Variants in TLR1 observed in about 807,000 individuals in gnomAD.
TLR1 encodes toll-like receptor 1.
Under a neutral mutation model 20.2 loss-of-function variants are expected in TLR1, and 19 were observed. The ratio of observed to expected loss-of-function variants is 0.94; its 90% CI spans 0.66 to 1.38. TLR1 has a LOEUF of 1.38. TLR1 is among the 40% of genes most tolerant of loss of function. TLR1 has a pLI of 0.00. For synonymous variants in TLR1, 320 were observed against 334.5 expected (o/e 0.96, Z 0.47); for missense variants, 921 against 910.0 (o/e 1.01, Z -0.16).
At position 38,796,370 on chromosome 4, in the gene TLR1, C is replaced by T; in HGVS notation, c.*101G>A. On this transcript the variant is annotated 3_prime_UTR_variant, in exon 4 of 4. Coordinates refer to ENST00000308979, the MANE Select transcript of TLR1 (RefSeq NM_003263.4). ...TATTTTTACCTACATCATACACTCA[C>T]AATTGTGTTTACATCTATGCTGATG... 7.5e-7 allele frequency: 1 copy of T among 1,331,080 alleles called. No individual in the cohort carries two copies. The allele number at this position is 1,331,080 out of a possible 1,614,324, so 82.5% of individuals were successfully genotyped here. A position where few individuals can be genotyped will look rare whatever the true frequency, so the allele number is the denominator to read the frequency against.
chr4:38,792,608 GA>G (rs570433909), downstream of TLR1, among the ~76,000 whole-genome samples: 125 of 151,956 alleles, frequency 8.2e-4, no homozygotes, highest in African/African-American at 2.9e-3. Context: ...AAATTGTAGT[GA>G]AAAAGACATA....
chr4:38,797,631 G>A lies in TLR1; in HGVS notation c.1201C>T (p.Gln401Ter), dbSNP rs747332840. The A allele has an allele frequency of 2.5e-6, 4 of 1,613,780 alleles. No individual in the cohort carries two copies. The highest frequency in any genetic ancestry group is 3.4e-6 in the Non-Finnish European group (4 of 1,179,996). ...AEMTTQMKSLQQLDISQNSVS... is the reference protein window; with the variant it reads ...AEMTTQMKSL ...GAATTCTGGCTAATATCCAATTGTT[G>A]CAGAGACTTCATCTGTGTAGTCATT... The change falls in exon 4 of 4, where the codon CAA (glutamine) becomes TAA (stop). Residue 401 changes from glutamine to a stop codon, truncating the protein, a stop_gained. Coordinates refer to ENST00000308979, the MANE Select transcript of TLR1 (RefSeq NM_003263.4). LOFTEE classifies it high-confidence loss of function.
rs773181138 is a variant in TLR1, at chr4:38,796,950, A to C, written c.1882T>G (p.Leu628Val). ...QTRRRARNIPLEELQRNLQFH... is the reference protein window; with the variant it reads ...QTRRRARNIPVEELQRNLQFH... ...TGGAGATTTCTTTGGAGTTCTTCTA[A>C]GGGTATGTTCCTGGCCCTGCGCCGG... The change falls in exon 4 of 4, where the codon TTA becomes GTA. Residue 628 changes from leucine to valine, a missense_variant. Transcript: ENST00000308979. 6.2e-7 allele frequency: 1 copy of C among 1,614,236 alleles called. No individual in the cohort carries two copies. The highest frequency in any genetic ancestry group is 8.5e-7 in the Non-Finnish European group (1 of 1,180,050).
downstream of TLR1, among the ~76,000 whole-genome samples, chr4:38,790,002 C>T (rs1420073606): frequency 6.6e-6 from 1 of 152,134 alleles, no homozygotes; most frequent in African/African-American, 2.4e-5. Flanking sequence ...GATAATTTTC[C>T]TCACATTCCC....
chr4:38,798,738 A>G lies in TLR1; in HGVS notation c.94T>C (p.Ser32Pro), dbSNP rs770353680. The change falls in exon 4 of 4, where the codon TCA becomes CCA. Residue 32 changes from serine to proline, a missense_variant. Physicochemically the swap from Ser to Pro is moderately conservative, Grantham distance 74. Coordinates refer to ENST00000308979, the MANE Select transcript of TLR1 (RefSeq NM_003263.4). ...GGAACGTGGATGAGACCGTTTTTTG[A>G]CCTATCAACTAAAAATTCACTTTCT... Reference protein sequence around the residue: ...SEESEFLVDRSKNGLIHVPKD... With the variant: ...SEESEFLVDRPKNGLIHVPKD... The G allele has an allele frequency of 2.6e-5, 42 of 1,612,806 alleles. No homozygotes were observed. The highest frequency in any genetic ancestry group is 8.3e-5 in the Admixed American group (5 of 59,918).
downstream of TLR1, among the ~76,000 whole-genome samples, chr4:38,792,156 TTTCTC>T (rs1725755162): frequency 6.6e-6 from 1 of 152,220 alleles, no homozygotes; most frequent in South Asian, 2.1e-4. Flanking sequence ...TGCCCTCTCT[TTTCTC>T]TTCTACAGAG....
In TLR1 at chr4:38,797,939, G is replaced by A. The variant is rs150138583; in HGVS notation, c.893C>T (p.Ser298Phe). 1,358 of 1,614,144 alleles carry A rather than the reference G, an allele frequency of 8.4e-4. 3 individuals carry two copies. Among genetic ancestry groups the A allele is most frequent in the South Asian group, 1.5e-3 (137 of 91,086 alleles). ...DFRDFDYSGT[S>F]LKALSIHQVV... ...TTGGTGTATAGACAAGGCCTTCAAG[G>A]AAGTGCCAGAATAATCAAAATCTCT... The change falls in exon 4 of 4, where the codon TCC becomes TTC. Residue 298 changes from serine (S) to phenylalanine (F), a missense_variant. Ser to Phe is a radical substitution (Grantham distance 155, BLOSUM62 -2). Transcript: ENST00000308979.
intron 3 of TLR1, chr4:38,800,517 C>T (rs1726562528): frequency 6.6e-6 from 1 of 152,144 alleles, no homozygotes; most frequent in South Asian, 2.1e-4. Context: ...GCTAAGACAC[C>T]ATTTTGTGGT....
chr4:38,798,788 A>T lies in TLR1; in HGVS notation c.44T>A (p.Leu15His). The change falls in exon 4 of 4, where the codon CTT (leucine) becomes CAT (histidine). Residue 15 changes from leucine (L) to histidine (H), a missense_variant. Coordinates refer to ENST00000308979, the MANE Select transcript of TLR1 (RefSeq NM_003263.4). ...FHFAIIFMLI[L>H]QIRIQLSEES... ...TTCAGATAATTGTATTCTGATCTGA[A>T]GTATTAACATGAAGATAATGGCAAA... 1 of 1,607,476 alleles carries T rather than the reference A, an allele frequency of 6.2e-7. No homozygotes were observed. The highest frequency in any genetic ancestry group is 8.5e-7 in the Non-Finnish European group (1 of 1,177,912).
downstream of TLR1, chr4:38,796,134 C>T (rs539513332): frequency 1.1e-4 from 26 of 234,370 alleles, no homozygotes; most frequent in South Asian, 4.6e-4. Context: ...ACAAAAGTCA[C>T]GGCATTTTCC....
exon 4 of TLR1, chr4:38,791,223 A>G (rs984331525): frequency 3.3e-5 from 5 of 152,184 alleles, no homozygotes; most frequent in Non-Finnish European, 4.4e-5. Context: ...CTCAGGAGGA[A>G]CTGTTTTCCT....
downstream of TLR1, chr4:38,796,193 T>C (rs1379127868): frequency 2.5e-6 from 1 of 394,382 alleles, no homozygotes; most frequent in Admixed American, 4.1e-5. Context: ...GAAAAACAGG[T>C]GCTTCCCTTG....
intron 2 of TLR1, among the ~76,000 whole-genome samples, chr4:38,803,624 C>T (rs949876664): frequency 6.6e-6 from 1 of 152,118 alleles, no homozygotes; most frequent in African/African-American, 2.4e-5. Context: ...TTAATACTTC[C>T]AGGATCTTTG....
chr4:38,793,537 T>C (rs1289473970), downstream of TLR1, among the ~76,000 whole-genome samples: 1 of 152,172 alleles, frequency 6.6e-6, no homozygotes, highest in African/African-American at 2.4e-5. Context: ...TCTTCCAACT[T>C]TGAATTCTTT....
chr4:38,794,725 T>C (rs996450263), downstream of TLR1: 30 of 152,080 alleles, frequency 2.0e-4, no homozygotes, highest in African/African-American at 6.3e-4. Flanking sequence ...CTTTGTTTCA[T>C]TGATTTTTAT....
Position 38,798,754 on chromosome 4 carries a change from T to C in TLR1, c.78A>G (p.Glu26=). ...QIRIQLSEES[E]FLVDRSKNGL... ...CGTTTTTTGACCTATCAACTAAAAATTCACTTTCTTCAGATAATTGTATTC... is the reference window on the plus strand; with the variant it reads ...CGTTTTTTGACCTATCAACTAAAAACTCACTTTCTTCAGATAATTGTATTC... The change falls in exon 4 of 4, where the codon GAA becomes GAG. Residue 26 remains glutamate (E), a synonymous_variant. Transcript: ENST00000308979. 1 of 1,612,536 alleles carries C rather than the reference T, an allele frequency of 6.2e-7. No homozygotes were observed. Among genetic ancestry groups the C allele is most frequent in the African/African-American group, 1.3e-5 (1 of 75,000 alleles).
chr4:38,792,922 T>C (rs573237753), downstream of TLR1, among the ~76,000 whole-genome samples: 11 of 148,354 alleles, frequency 7.4e-5, no homozygotes, highest in Admixed American at 4.1e-4. Flanking sequence ...GAAATGCCCA[T>C]CCCACTGCAG....
Position 38,798,634 on chromosome 4 carries a change from T to G in TLR1, c.198A>C (p.Leu66Phe). 1 of 1,613,810 alleles carries G rather than the reference T, an allele frequency of 6.2e-7. No individual in the cohort carries two copies. Among genetic ancestry groups the G allele is most frequent in the East Asian group, 2.2e-5 (1 of 44,882 alleles). ...TCAAAATCCTCAGTTTTGACAGTGATAAGATGTCAGAAGTCCAAAGCTCAG... is the reference window on the plus strand; with the variant it reads ...TCAAAATCCTCAGTTTTGACAGTGAGAAGATGTCAGAAGTCCAAAGCTCAG... ...YISELWTSDI[L>F]SLSKLRILII... Residue 66 changes from leucine to phenylalanine, a missense_variant, in exon 4 of 4, where the codon TTA becomes TTC. Leu to Phe is a conservative substitution (Grantham distance 22). Coordinates refer to ENST00000308979, the MANE Select transcript of TLR1 (RefSeq NM_003263.4).
At chr4:38,789,007 AAAAT>A (rs547433444), downstream of TLR1, among the ~76,000 whole-genome samples, 4 of 152,318 alleles carry the variant, frequency 2.6e-5, no homozygotes, top group South Asian at 6.2e-4. Context: ...CTCTATCTCT[AAAAT>A]AAATAAATAA....
Sources: allele counts gnomAD v4.1 joint callset (sites outside exome capture counted in the v4.1 genomes callset), GRCh38; gene constraint gnomAD v4.1.1; transcripts MANE v1.5; gene names NCBI Gene and HGNC (gene_info 2026-07-23, HGNC 2026-07-21).